Variants in SLC36A1 observed in about 807,000 individuals in gnomAD.
The protein encoded by SLC36A1 is solute carrier family 36 member 1.
Under a neutral mutation model 47.5 loss-of-function variants are expected in SLC36A1, and 30 were observed. That is an observed-to-expected ratio of 0.63 (90% confidence interval 0.47 to 0.86). The LOEUF (loss-of-function observed/expected upper bound fraction) is 0.86. SLC36A1 is among the 40% of genes least tolerant of loss of function. SLC36A1 has a pLI of 0.00. For synonymous variants in SLC36A1, 255 were observed against 249.7 expected (o/e 1.02, Z -0.20); for missense variants, 517 against 606.0 (o/e 0.85, Z 1.54).
At chr5:151,546,014 T>C in the SLC36A1 span, 2 of 1,614,162 alleles carry the variant, frequency 1.2e-6, no homozygotes, top group Non-Finnish European at 1.7e-6. Flanking sequence ...TATGAGTTCA[T>C]AGAGAAGACT....
rs895991434 is a variant in SLC36A1 at position 151,488,681 on chromosome 5, T to C, written c.*427T>C. On this transcript the variant is annotated 3_prime_UTR_variant, in exon 11 of 11. Coordinates refer to ENST00000243389, the MANE Select transcript of SLC36A1 (RefSeq NM_078483.4). ...AGATTAAGTAACTGGGAACGCCCCC[T>C]CTTTATAAAGCTGGGCTTCTTTCTC... 13 of 171,638 alleles carry C rather than the reference T, an allele frequency of 7.6e-5. No homozygotes were observed. Among genetic ancestry groups the C allele is most frequent in the Admixed American group, 5.5e-4 (10 of 18,204 alleles). 10.6% of individuals were successfully genotyped at this position (171,638 alleles called of 1,614,324 possible).
At chr5:151,497,333 G>A (rs1165789912), downstream of SLC36A1, among the ~76,000 whole-genome samples, 1 of 152,090 alleles carries the variant, frequency 6.6e-6, no homozygotes, top group African/African-American at 2.4e-5. Flanking sequence ...TGCTTTTTCT[G>A]TATCTGATAT....
chr5:151,483,577 A>G (rs1759133448), intron 10 of SLC36A1, among the ~76,000 whole-genome samples: 1 of 151,182 alleles, frequency 6.6e-6, no homozygotes, highest in South Asian at 2.1e-4. Flanking sequence ...GCTTCCTGAG[A>G]TATCTACCTT....
chr5:151,521,625 G>A, the SLC36A1 span: 6 of 1,614,022 alleles, frequency 3.7e-6, no homozygotes, highest in African/African-American at 8.0e-5. Flanking sequence ...CCAGCTTATG[G>A]CTGAGGAACC....
chr5:151,468,266 A>AAATATATATATATAT (rs55642458), intron 7 of SLC36A1, among the ~76,000 whole-genome samples: 1 of 63,818 alleles, frequency 1.6e-5, no homozygotes, highest in African/African-American at 8.8e-5. Flanking sequence ...AAAAAAAAAA[A>AAATATATATATATAT]ATATATATAT....
intron 2 of SLC36A1, among the ~76,000 whole-genome samples, chr5:151,461,502 C>G (rs1755507512): frequency 6.6e-6 from 1 of 152,122 alleles, no homozygotes; most frequent in Non-Finnish European, 1.5e-5. Context: ...TAAAGGTGAG[C>G]TGGAGTAGTC....
downstream of SLC36A1, among the ~76,000 whole-genome samples, chr5:151,497,313 T>G (rs146925917): frequency 7.5e-3 from 1,147 of 152,338 alleles, 9 homozygotes; most frequent in South Asian, 0.03. Flanking sequence ...GAGTACTGAA[T>G]TTTGTCAAAT....
chr5:151,537,274 TGGTGGA>T, the SLC36A1 span, among the ~76,000 whole-genome samples: 3 of 134,408 alleles, frequency 2.2e-5, no homozygotes, highest in South Asian at 2.5e-4. Context: ...ACGATGGTGG[TGGTGGA>T]GGAGGAGGAG....
chr5:151,554,962 A>G, the SLC36A1 span, among the ~76,000 whole-genome samples: 1 of 152,194 alleles, frequency 6.6e-6, no homozygotes, highest in Non-Finnish European at 1.5e-5. Flanking sequence ...CTCAGAGACT[A>G]CCTACTTTTT....
the SLC36A1 span, among the ~76,000 whole-genome samples, chr5:151,429,995 A>G: frequency 2.0e-5 from 3 of 152,164 alleles, no homozygotes; most frequent in Admixed American, 2.0e-4. Context: ...AGAGATTGAT[A>G]TAGAAGATCC....
downstream of SLC36A1, among the ~76,000 whole-genome samples, chr5:151,494,010 CTT>C (rs1365841486): frequency 6.6e-6 from 1 of 152,192 alleles, no homozygotes; most frequent in Admixed American, 6.5e-5. Context: ...ACTCAATCCT[CTT>C]TTAGGTTGTC....
At chr5:151,470,929 G>A (rs1393764718) in intron 7 of SLC36A1, 1 of 152,188 alleles carries the variant, frequency 6.6e-6, no homozygotes, top group Non-Finnish European at 1.5e-5. Flanking sequence ...TTTGCACAGA[G>A]GGTGCTCCCA....
chr5:151,382,396 C>G, the SLC36A1 span: 1 of 684,844 alleles, frequency 1.5e-6, no homozygotes. Flanking sequence ...TGAGAATGCC[C>G]TGACTCCAGG....
Position 151,488,435 on chromosome 5 carries a change from G to C in SLC36A1, c.*181G>C, listed in dbSNP as rs905997867. ...CCTGAGGGCAGGGGAGAGGTGGGGT[G>C]GCAGACACGCAGAAGTGCTACTAGT... On this transcript the variant is annotated 3_prime_UTR_variant, in exon 11 of 11. Transcript: ENST00000243389. 1.2e-5 allele frequency: 9 copies of C among 736,876 alleles called. No individual in the cohort carries two copies. Among genetic ancestry groups the C allele is most frequent in the Non-Finnish European group, 1.9e-5 (9 of 462,000 alleles). 45.6% of individuals were successfully genotyped at this position (736,876 alleles called of 1,614,324 possible). A position where few individuals can be genotyped will look rare whatever the true frequency, so the allele number is the denominator to read the frequency against.
chr5:151,477,325 G>A, intron 9 of SLC36A1: 1 of 172,306 alleles, frequency 5.8e-6, no homozygotes, highest in Non-Finnish European at 1.2e-5. Context: ...ATGGTGGAGA[G>A]CAGCTGTTAG....
chr5:151,433,565 A>G (rs1759586319), upstream of SLC36A1, among the ~76,000 whole-genome samples: 1 of 151,298 alleles, frequency 6.6e-6, no homozygotes, highest in East Asian at 2.0e-4. Context: ...TGCTGGGATT[A>G]CAGGCCTGAG....
chr5:151,476,590 G>A lies in SLC36A1; in HGVS notation c.823G>A (p.Val275Ile), dbSNP rs868295961. 2 of 1,580,884 alleles carry A rather than the reference G, an allele frequency of 1.3e-6. No individual in the cohort carries two copies. Among genetic ancestry groups the A allele is most frequent in the Non-Finnish European group, 1.7e-6 (2 of 1,164,370 alleles). Residue 275 changes from valine (V) to isoleucine (I), a missense_variant and splice_region_variant, in exon 9 of 11, where the codon GTT (valine) becomes ATT (isoleucine). Val to Ile is a conservative substitution (Grantham distance 29). Transcript: ENST00000243389. The stretch of plus-strand genomic sequence containing the variant: ...CTCCTCTCTCACTACTCTCTCATAG[G>A]TTCTGCCCCTGGAAAACAAAATGAA... The part of the protein sequence containing the change: ...AIFSFEGIGM[V>I]LPLENKMKDP...
the SLC36A1 span, among the ~76,000 whole-genome samples, chr5:151,395,142 C>T: frequency 6.6e-6 from 1 of 152,162 alleles, no homozygotes; most frequent in South Asian, 2.1e-4. Context: ...CCACCTTGCA[C>T]TTCGATCTCA....
At chr5:151,531,260 C>T in the SLC36A1 span, among the ~76,000 whole-genome samples, 1 of 152,316 alleles carries the variant, frequency 6.6e-6, no homozygotes, top group East Asian at 1.9e-4. The surrounding 1 kb of genome is among the most constrained non-coding windows in gnomAD (Gnocchi z 5.7). Flanking sequence ...GCAGCCAAGC[C>T]GTTTCTGCCT....
Sources: gnomAD v4.1 joint callset for allele counts (sites outside exome capture counted in the v4.1 genomes callset) on GRCh38, gnomAD v4.1.1 for gene constraint, Gnocchi (gnomAD v3.1) non-coding constraint, MANE v1.5 for transcripts, NCBI Gene and HGNC (gene_info 2026-07-23, HGNC 2026-07-21) for gene names.